The following RGPD2 variants were observed in gnomAD, a reference collection of about 807,000 sequenced individuals.
RGPD2 encodes RANBP2 like and GRIP domain containing 2, also known as RANBP2-like and GRIP domain-containing protein 2.
Under a neutral mutation model 36.0 loss-of-function variants are expected in RGPD2, and 2 were observed. The observed-to-expected ratio is 0.06, with a 90% CI of 0.02 to 0.17. The LOEUF (loss-of-function observed/expected upper bound fraction) is 0.17, where lower values mean the gene tolerates loss of function less well. Ranked by LOEUF, RGPD2 falls within the 10% of genes least tolerant of loss-of-function variation. The pLI is 1.00. For synonymous variants in RGPD2, 19 were observed against 163.8 expected (o/e 0.12, Z 6.75); for missense variants, 40 against 464.3 (o/e 0.09, Z 8.40).
chr2:87,834,112 AC>A, the RGPD2 span, among the ~76,000 whole-genome samples: 2 of 127,140 alleles, frequency 1.6e-5, no homozygotes, highest in African/African-American at 6.0e-5. Flanking sequence ...TGGATTTTTT[AC>A]CTGGAATTTA....
chr2:87,836,132 T>C, the RGPD2 span, among the ~76,000 whole-genome samples: 9 of 152,122 alleles, frequency 5.9e-5, no homozygotes, highest in Admixed American at 3.9e-4. Context: ...AGATAACCCC[T>C]GTGAGATACC....
chr2:87,889,343 GT>G, the RGPD2 span, among the ~76,000 whole-genome samples: 6,780 of 30,212 alleles, frequency 0.22, 1,124 homozygotes, highest in African/African-American at 0.37. Flanking sequence ...ATAAACTACT[GT>G]TTTTTTTAAA....
the RGPD2 span, among the ~76,000 whole-genome samples, chr2:87,982,896 C>G: frequency 2.0e-5 from 1 of 50,718 alleles, no homozygotes; most frequent in East Asian, 6.1e-4. Context: ...GACAATGATA[C>G]ACAAAACTAC....
the RGPD2 span, among the ~76,000 whole-genome samples, chr2:87,915,321 T>TTA: frequency 1.9e-5 from 2 of 105,288 alleles, 1 homozygote; most frequent in Non-Finnish European, 3.8e-5. Context: ...TATATGTATA[T>TTA]TATATATATT....
the RGPD2 span, among the ~76,000 whole-genome samples, chr2:87,915,356 A>T: frequency 3.7e-5 from 5 of 133,922 alleles, no homozygotes; most frequent in Admixed American, 2.4e-4. Flanking sequence ...TATTATATAT[A>T]TTATATATAT....
chr2:87,827,334 A>C (rs1408608797), upstream of RGPD2, among the ~76,000 whole-genome samples: 1 of 152,272 alleles, frequency 6.6e-6, no homozygotes, highest in Non-Finnish European at 1.5e-5. Flanking sequence ...TGGCAGAAGG[A>C]GATTTCCATA....
intron 22 of RGPD2, among the ~76,000 whole-genome samples, chr2:87,769,614 A>T (rs1312817757): frequency 6.6e-6 from 1 of 151,978 alleles, no homozygotes; most frequent in East Asian, 1.9e-4. Flanking sequence ...TACATTAAAC[A>T]TGCTGAGCTT....
At chr2:87,852,731 A>T in the RGPD2 span, among the ~76,000 whole-genome samples, 2 of 152,392 alleles carry the variant, frequency 1.3e-5, no homozygotes, top group African/African-American at 4.8e-5. Flanking sequence ...ATATTTGCAT[A>T]ACTCAGTCTC....
chr2:87,836,242 T>G, the RGPD2 span, among the ~76,000 whole-genome samples: 1 of 81,296 alleles, frequency 1.2e-5, no homozygotes, highest in Non-Finnish European at 2.5e-5. Context: ...GACAGACAAA[T>G]AGAGAAAGAA....
chr2:87,955,216 A>G, the RGPD2 span, among the ~76,000 whole-genome samples: 2 of 143,128 alleles, frequency 1.4e-5, no homozygotes, highest in East Asian at 2.1e-4. Context: ...GGGTTTCACC[A>G]TGTTAGCCAG....
At chr2:87,769,807 TAG>T (rs1558717762) in intron 22 of RGPD2, among the ~76,000 whole-genome samples, 1 of 151,086 alleles carries the variant, frequency 6.6e-6, no homozygotes, top group African/African-American at 2.4e-5. Context: ...GTTTTACTCT[TAG>T]GTGACTAGAA....
chr2:87,846,026 A>G, the RGPD2 span, among the ~76,000 whole-genome samples: 4 of 150,924 alleles, frequency 2.7e-5, no homozygotes, highest in East Asian at 7.8e-4. Context: ...CTTATCATTC[A>G]TTTTTTCTTA....
At chr2:87,869,858 G>A in the RGPD2 span, among the ~76,000 whole-genome samples, 36 of 152,306 alleles carry the variant, frequency 2.4e-4, no homozygotes, top group East Asian at 6.6e-3. Flanking sequence ...ATTTGATGAA[G>A]TAGATCATTC....
the RGPD2 span, among the ~76,000 whole-genome samples, chr2:87,966,634 A>T: frequency 2.6e-5 from 4 of 152,282 alleles, no homozygotes; most frequent in Non-Finnish European, 5.9e-5. Flanking sequence ...TTAGAACTTA[A>T]TGCCTAGAAC....
At chr2:87,870,339 C>G in the RGPD2 span, among the ~76,000 whole-genome samples, 1 of 152,394 alleles carries the variant, frequency 6.6e-6, no homozygotes, top group Non-Finnish European at 1.5e-5. Flanking sequence ...ACAGCCTTGT[C>G]TAACTCTTTA....
the RGPD2 span, among the ~76,000 whole-genome samples, chr2:87,886,258 C>T: frequency 1.3e-5 from 2 of 151,784 alleles, no homozygotes; most frequent in African/African-American, 4.8e-5. Context: ...TTCCTCCTTA[C>T]CAGATTCTCG....
chr2:87,857,352 T>A, the RGPD2 span, among the ~76,000 whole-genome samples: 10 of 151,992 alleles, frequency 6.6e-5, no homozygotes, highest in African/African-American at 1.9e-4. Flanking sequence ...TTGTATACTT[T>A]TTTTTTTTGA....
the RGPD2 span, among the ~76,000 whole-genome samples, chr2:87,881,409 C>A: frequency 1.3e-5 from 2 of 152,256 alleles, no homozygotes; most frequent in Non-Finnish European, 2.9e-5. Context: ...ACTCCTGCAG[C>A]GCACTTTTTC....
the RGPD2 span, among the ~76,000 whole-genome samples, chr2:87,914,788 T>A: frequency 6.9e-4 from 103 of 149,630 alleles, no homozygotes; most frequent in Admixed American, 6.2e-3. Flanking sequence ...AACAATTTTT[T>A]GATTGAAACT....
Sources: allele counts gnomAD v4.1 joint callset (sites outside exome capture counted in the v4.1 genomes callset), GRCh38; gene constraint gnomAD v4.1.1; transcripts MANE v1.5; gene names NCBI Gene and HGNC (gene_info 2026-07-23, HGNC 2026-07-21).